CDH12: variants seen among roughly 807,000 people sequenced by gnomAD.
CDH12 encodes cadherin-12.
In CDH12, 41 loss-of-function variants were observed where a neutral mutation model predicts 74.1. That is an observed-to-expected ratio of 0.55 (90% CI 0.43 to 0.72). The LOEUF is 0.72. Ranked by LOEUF, CDH12 falls within the 30% of genes least tolerant of loss-of-function variation. The pLI, the probability that CDH12 is intolerant of heterozygous loss-of-function variation, is 0.00. For synonymous variants in CDH12, 399 were observed against 355.0 expected (o/e 1.12, Z -1.39); for missense variants, 945 against 977.2 (o/e 0.97, Z 0.44).
chr5:22,344,335 T>C (rs921334770), intron 3 of CDH12, among the ~76,000 whole-genome samples: 4 of 152,234 alleles, frequency 2.6e-5, no homozygotes, highest in African/African-American at 7.2e-5. Context: ...AAACTGATTA[T>C]TGTTTTTGCT....
chr5:22,255,422 C>T (rs1242672372), intron 3 of CDH12, among the ~76,000 whole-genome samples: 1 of 151,650 alleles, frequency 6.6e-6, no homozygotes, highest in Admixed American at 6.6e-5. Flanking sequence ...ATGCTAAAAA[C>T]ATTCATATTA....
intron 6 of CDH12, among the ~76,000 whole-genome samples, chr5:21,972,903 T>C (rs1388809148): frequency 2.0e-5 from 3 of 151,290 alleles, no homozygotes; most frequent in Non-Finnish European, 1.5e-5. Flanking sequence ...CTTCTGTTAT[T>C]AAAAATAAAA....
At chr5:22,207,580 A>G (rs1194410970) in intron 4 of CDH12, among the ~76,000 whole-genome samples, 1 of 152,206 alleles carries the variant, frequency 6.6e-6, no homozygotes, top group Non-Finnish European at 1.5e-5. Context: ...CTTTTTCAAG[A>G]CTTGTTCAAT....
chr5:22,126,148 T>C (rs1745854495), intron 4 of CDH12, among the ~76,000 whole-genome samples: 1 of 152,122 alleles, frequency 6.6e-6, no homozygotes, highest in African/African-American at 2.4e-5. Flanking sequence ...TAAGTACACA[T>C]GTATTAATCT....
intron 1 of CDH12, among the ~76,000 whole-genome samples, chr5:22,829,005 C>T (rs1047958670): frequency 1.2e-4 from 19 of 152,060 alleles, no homozygotes; most frequent in Non-Finnish European, 2.1e-4. Context: ...AGATAATTTT[C>T]AATTTTTCTG....
intron 1 of CDH12, among the ~76,000 whole-genome samples, chr5:22,807,601 A>C (rs772946936): frequency 5.9e-5 from 9 of 152,232 alleles, no homozygotes; most frequent in Non-Finnish European, 1.2e-4. Flanking sequence ...CTTAGATGGT[A>C]TAGCCCACTA....
At chr5:22,527,295 T>A (rs1253947354) in intron 1 of CDH12, among the ~76,000 whole-genome samples, 5 of 152,134 alleles carry the variant, frequency 3.3e-5, no homozygotes, top group Admixed American at 3.3e-4. Context: ...TAAACTGGCT[T>A]ATGTTTGGGA....
chr5:22,164,825 G>T (rs1748586029), intron 4 of CDH12, among the ~76,000 whole-genome samples: 1 of 143,386 alleles, frequency 7.0e-6, no homozygotes, highest in Admixed American at 7.1e-5. Flanking sequence ...CACCTTCCCA[G>T]CTAGGCTTAG....
intron 3 of CDH12, among the ~76,000 whole-genome samples, chr5:22,321,089 AAGGGTTGCACAACTGATAGGGGAC>A (rs1738855795): frequency 6.6e-6 from 1 of 152,196 alleles, no homozygotes; most frequent in East Asian, 1.9e-4. Context: ...GTTTTAGTAA[AAGGGTTGCACAACTGATAGGGGAC>A]AGGAAGGAAA....
chr5:22,173,903 C>T (rs1481040633), intron 4 of CDH12, among the ~76,000 whole-genome samples: 2 of 151,870 alleles, frequency 1.3e-5, no homozygotes, highest in Non-Finnish European at 2.9e-5. Flanking sequence ...TGCCACATGC[C>T]ACTCCAAGTG....
chr5:21,787,456 A>G (rs1746258396), intron 10 of CDH12, among the ~76,000 whole-genome samples: 1 of 152,144 alleles, frequency 6.6e-6, no homozygotes, highest in African/African-American at 2.4e-5. Context: ...TAAGGCATGT[A>G]CTTTTTTGGG....
chr5:22,169,368 CCTT>C (rs1425510338), intron 4 of CDH12, among the ~76,000 whole-genome samples: 1 of 152,018 alleles, frequency 6.6e-6, no homozygotes, highest in African/African-American at 2.4e-5. Flanking sequence ...AGTTGAGAAA[CCTT>C]CTATGCATCT....
intron 11 of CDH12, among the ~76,000 whole-genome samples, chr5:21,776,980 G>A (rs1451667454): frequency 6.6e-6 from 1 of 152,038 alleles, no homozygotes; most frequent in African/African-American, 2.4e-5. Context: ...AAAAAGTCTG[G>A]TATATTAGAT....
chr5:22,358,915 A>C lies in CDH12; in HGVS notation c.-333+46342T>G, dbSNP rs1580561358. The stretch of plus-strand genomic sequence containing the variant: ...ATCAGAAAACTATTATTCACAACAA[A>C]ATTTTGATGTATTATATTTTTACCT... On this transcript the variant is annotated intron_variant, in intron 3 of 14. Transcript: ENST00000382254. Among the ~76,000 whole-genome samples, 5 of 152,280 alleles carry C rather than the reference A, an allele frequency of 3.3e-5. 1 individual carries two copies. In the South Asian group the frequency reaches 1.0e-3, roughly 32 times the overall value.
intron 3 of CDH12, among the ~76,000 whole-genome samples, chr5:22,251,732 A>G (rs1209062499): frequency 6.6e-6 from 1 of 152,184 alleles, no homozygotes; most frequent in East Asian, 1.9e-4. Context: ...GAACACAGAA[A>G]AAGAAAGTGT....
At chr5:22,271,089 T>A (rs913668620) in intron 3 of CDH12, among the ~76,000 whole-genome samples, 1 of 152,232 alleles carries the variant, frequency 6.6e-6, no homozygotes, top group Non-Finnish European at 1.5e-5. Context: ...GTGCATGTGA[T>A]GCTATTTGAT....
intron 2 of CDH12, among the ~76,000 whole-genome samples, chr5:22,462,174 T>C (rs918628657): frequency 1.3e-5 from 2 of 152,070 alleles, no homozygotes; most frequent in African/African-American, 4.8e-5. Context: ...CAGCAATAAG[T>C]CTGACAAATA....
At chr5:22,735,689 A>G (rs745887723) in intron 1 of CDH12, among the ~76,000 whole-genome samples, 9 of 151,908 alleles carry the variant, frequency 5.9e-5, no homozygotes, top group Non-Finnish European at 1.3e-4. Flanking sequence ...ATTGGAATTG[A>G]TCCATCTATT....
At chr5:22,701,321 T>G (rs1297373230) in intron 1 of CDH12, among the ~76,000 whole-genome samples, 1 of 152,078 alleles carries the variant, frequency 6.6e-6, no homozygotes, top group East Asian at 1.9e-4. Context: ...AAACATAACC[T>G]GAATTATCCT....
Sources: allele counts gnomAD v4.1 joint callset (sites outside exome capture counted in the v4.1 genomes callset), GRCh38; gene constraint gnomAD v4.1.1; transcripts MANE v1.5; gene names NCBI Gene and HGNC (gene_info 2026-07-23, HGNC 2026-07-21).